ADIPOR2: variants seen among roughly 807,000 people sequenced by gnomAD.
ADIPOR2 encodes the protein adiponectin receptor 2, also known as adiponectin receptor protein 2.
A neutral mutation model predicts 40.9 loss-of-function variants in ADIPOR2; 18 were observed. That is an observed-to-expected ratio of 0.44 (90% CI 0.30 to 0.65). ADIPOR2 has a LOEUF of 0.65. Among genes scored for constraint, ADIPOR2 ranks in the 30% least tolerant of loss-of-function variants. The pLI is 0.09. For missense variants in ADIPOR2, 283 were observed against 479.2 expected (o/e 0.59, Z 3.82); for synonymous variants, 165 against 166.4 (o/e 0.99, Z 0.06).
Position 1,787,527 on chromosome 12 carries a change from T to TA in ADIPOR2, c.*1456dup, listed in dbSNP as rs1302281355. On this transcript the variant is annotated 3_prime_UTR_variant, in exon 8 of 8. Transcript: ENST00000357103. ...TGGCTCATGTCACAGGCCTACCTGA[T>TA]ACGGTGTCAGAGAAAGTGGTGGGGA... The TA allele has an allele frequency of 2.0e-5, 3 of 152,234 alleles. No homozygotes were observed. The highest frequency in any genetic ancestry group is 4.4e-5 in the Non-Finnish European group (3 of 68,038). The allele number at this position is 152,234 out of a possible 1,614,324, so 9.4% of individuals were successfully genotyped here. A position where few individuals can be genotyped will look rare whatever the true frequency, so the allele number is the denominator to read the frequency against.
intron 1 of ADIPOR2, among the ~76,000 whole-genome samples, chr12:1,747,202 T>C (rs2094757398): frequency 6.6e-6 from 1 of 152,218 alleles, no homozygotes; most frequent in Admixed American, 6.5e-5. Flanking sequence ...GGATAGACCA[T>C]ATACTATGCC....
intron 2 of ADIPOR2, among the ~76,000 whole-genome samples, chr12:1,764,946 A>G (rs979698373): frequency 2.0e-5 from 3 of 152,058 alleles, no homozygotes; most frequent in Non-Finnish European, 2.9e-5. Context: ...TATGAAGGCA[A>G]TCTGGGTTGT....
chr12:1,773,282 C>A (rs1862523641), intron 3 of ADIPOR2, among the ~76,000 whole-genome samples: 1 of 152,170 alleles, frequency 6.6e-6, no homozygotes, highest in Admixed American at 6.5e-5. Context: ...GTGGTTGACG[C>A]CTGGAGATAT....
At chr12:1,708,193 T>C (rs2094667662) in intron 1 of ADIPOR2, among the ~76,000 whole-genome samples, 1 of 151,896 alleles carries the variant, frequency 6.6e-6, no homozygotes, top group South Asian at 2.1e-4. Flanking sequence ...TGGGTTTTTT[T>C]TTTTTTTAAA....
intron 1 of ADIPOR2, among the ~76,000 whole-genome samples, chr12:1,746,353 T>G (rs1266655606): frequency 2.0e-5 from 3 of 151,972 alleles, no homozygotes; most frequent in Non-Finnish European, 2.9e-5. Context: ...CCGGGCATGG[T>G]GGTGTGTGCC....
intron 1 of ADIPOR2, among the ~76,000 whole-genome samples, chr12:1,723,214 G>A (rs1565637806): frequency 2.0e-5 from 3 of 152,218 alleles, no homozygotes; most frequent in East Asian, 1.9e-4. Context: ...CATATGAATC[G>A]AACATGGATC....
intron 1 of ADIPOR2, among the ~76,000 whole-genome samples, chr12:1,692,380 C>G (rs970527783): frequency 3.9e-5 from 6 of 152,134 alleles, no homozygotes; most frequent in African/African-American, 1.4e-4. Context: ...AATTTGTTGT[C>G]AGAGTGTTGA....
At chr12:1,720,979 T>G (rs189350116) in intron 1 of ADIPOR2, among the ~76,000 whole-genome samples, 19 of 152,198 alleles carry the variant, frequency 1.2e-4, no homozygotes, top group African/African-American at 4.3e-4. Flanking sequence ...TCACCTAACT[T>G]TAACCTGGAA....
chr12:1,756,506 T>C (rs1030802737), intron 2 of ADIPOR2, among the ~76,000 whole-genome samples: 2 of 149,934 alleles, frequency 1.3e-5, no homozygotes, highest in Non-Finnish European at 1.5e-5. Flanking sequence ...AGTTAGAGCA[T>C]GAGGAACTAG....
chr12:1,750,395 CAAGAA>C (rs1312896913), intron 1 of ADIPOR2, among the ~76,000 whole-genome samples: 3 of 114,552 alleles, frequency 2.6e-5, no homozygotes, highest in Non-Finnish European at 5.1e-5. Flanking sequence ...TCCATCACTA[CAAGAA>C]ATTAAAAAAA....
intron 1 of ADIPOR2, among the ~76,000 whole-genome samples, chr12:1,746,578 A>G (rs1056803948): frequency 6.6e-6 from 1 of 152,202 alleles, no homozygotes; most frequent in African/African-American, 2.4e-5. Context: ...AGATATAACA[A>G]TTATAAACAT....
chr12:1,732,108 C>G (rs2094721766), intron 1 of ADIPOR2, among the ~76,000 whole-genome samples: 2 of 151,994 alleles, frequency 1.3e-5, no homozygotes, highest in Admixed American at 1.3e-4. Context: ...CCACCAGTTT[C>G]CCGTTACTAA....
chr12:1,776,804 A>C (rs1862605281), intron 3 of ADIPOR2, among the ~76,000 whole-genome samples: 1 of 152,226 alleles, frequency 6.6e-6, no homozygotes. Flanking sequence ...GTCTGACAGG[A>C]GATAGCCCCT....
intron 1 of ADIPOR2, among the ~76,000 whole-genome samples, chr12:1,751,110 T>G (rs927051693): frequency 3.3e-5 from 5 of 151,936 alleles, no homozygotes; most frequent in African/African-American, 1.2e-4. Context: ...ATATAGTAAA[T>G]TTCAGTTCTC....
chr12:1,705,367 G>A (rs1363718537), intron 1 of ADIPOR2, among the ~76,000 whole-genome samples: 3 of 152,074 alleles, frequency 2.0e-5, no homozygotes, highest in Non-Finnish European at 2.9e-5. Flanking sequence ...GCATTTTTAT[G>A]TACAGATTGA....
At chr12:1,766,420 C>A (rs1862382158) in intron 2 of ADIPOR2, among the ~76,000 whole-genome samples, 1 of 152,110 alleles carries the variant, frequency 6.6e-6, no homozygotes, top group Non-Finnish European at 1.5e-5. Flanking sequence ...ACACCTGGGG[C>A]CTGAAATCTA....
intron 1 of ADIPOR2, among the ~76,000 whole-genome samples, chr12:1,703,611 C>T (rs935601469): frequency 1.7e-4 from 26 of 151,744 alleles, no homozygotes; most frequent in South Asian, 2.1e-4. Context: ...TAGTGTGTGC[C>T]GGGACTGAGG....
intron 1 of ADIPOR2, among the ~76,000 whole-genome samples, chr12:1,728,625 G>T (rs977676313): frequency 6.6e-6 from 1 of 151,880 alleles, no homozygotes; most frequent in African/African-American, 2.4e-5. Flanking sequence ...TCCGGAGGCT[G>T]AAGCAGGAGA....
chr12:1,735,607 C>T (rs1294054248), intron 1 of ADIPOR2, among the ~76,000 whole-genome samples: 1 of 152,178 alleles, frequency 6.6e-6, no homozygotes, highest in East Asian at 1.9e-4. Context: ...TGCCTAATTG[C>T]CCTGGCCAGA....
Sources: gnomAD v4.1 joint callset for allele counts (sites outside exome capture counted in the v4.1 genomes callset) on GRCh38, gnomAD v4.1.1 for gene constraint, MANE v1.5 for transcripts, NCBI Gene and HGNC (gene_info 2026-07-23, HGNC 2026-07-21) for gene names.